The following MDM4 variants were observed in gnomAD, a reference collection of about 807,000 sequenced individuals.
MDM4 encodes protein Mdm4.
A neutral mutation model predicts 60.2 loss-of-function variants in MDM4; 2 were observed. The ratio of observed to expected loss-of-function variants is 0.03; its 90% CI spans 0.01 to 0.10. The LOEUF (loss-of-function observed/expected upper bound fraction) is 0.10, where lower values mean the gene tolerates loss of function less well. MDM4 is among the 10% of genes least tolerant of loss of function. The pLI is 1.00. For synonymous variants in MDM4, 202 were observed against 198.1 expected, an observed-to-expected ratio of 1.02 and a Z score of -0.17; for missense variants, 447 against 577.5, an observed-to-expected ratio of 0.77 and a Z score of 2.32.
At chr1:204,532,281 A>C in intron 5 of MDM4, 35 bp downstream of exon 5, 2 of 1,382,912 alleles carry the variant, frequency 1.4e-6, no homozygotes, top group Non-Finnish European at 2.0e-6. Context: ...TCTGTATCAC[A>C]GCTTTGAGTT....
intron 3 of MDM4, chr1:204,529,425 T>C (rs1048856685): frequency 2.8e-6 from 4 of 1,443,316 alleles, no homozygotes; most frequent in Non-Finnish European, 3.9e-6. Context: ...TGGCTGACCA[T>C]AGGGGCCCCC....
intron 7 of MDM4, among the ~76,000 whole-genome samples, chr1:204,539,539 G>GTTTTT (rs1027772704): frequency 9.0e-6 from 1 of 110,754 alleles, no homozygotes; most frequent in African/African-American, 3.0e-5. Context: ...GTTTTGTTTT[G>GTTTTT]TTTTTTTTTT....
intron 5 of MDM4, among the ~76,000 whole-genome samples, 188 bp from the exon 6 acceptor site, chr1:204,537,242 T>A (rs1661516998): frequency 6.6e-6 from 1 of 152,178 alleles, no homozygotes; most frequent in Non-Finnish European, 1.5e-5. Flanking sequence ...ATATGGCCTG[T>A]CTTGGTCTTT....
chr1:204,533,747 T>G (rs1269344595), intron 5 of MDM4, among the ~76,000 whole-genome samples: 1 of 151,842 alleles, frequency 6.6e-6, no homozygotes, highest in African/African-American at 2.4e-5. Flanking sequence ...AAGAATCCAT[T>G]CCTTTTTATC....
At chr1:204,523,473 A>ATTTTTTTTTTTTTTTTT (rs60954516) in intron 1 of MDM4, among the ~76,000 whole-genome samples, 1 of 58,950 alleles carries the variant, frequency 1.7e-5, no homozygotes, top group Non-Finnish European at 2.8e-5. Context: ...CCTAAAAAAA[A>ATTTTTTTTTTTTTTTTT]TTTTTTTTTT....
At chr1:204,533,509 A>G (rs190594749) in intron 5 of MDM4, among the ~76,000 whole-genome samples, 1 of 152,104 alleles carries the variant, frequency 6.6e-6, no homozygotes, top group Non-Finnish European at 1.5e-5. Context: ...GGCACATGCC[A>G]CCATGCCTGG....
At chr1:204,547,024 T>C in intron 10 of MDM4, 147 bp downstream of exon 10, 2 of 491,150 alleles carry the variant, frequency 4.1e-6, no homozygotes, top group East Asian at 6.7e-5. Context: ...TTCTTTACAT[T>C]TTTTTAAGAG....
chr1:204,546,418 G>A (rs1225451777), intron 9 of MDM4, among the ~76,000 whole-genome samples: 4 of 152,084 alleles, frequency 2.6e-5, no homozygotes, highest in Non-Finnish European at 5.9e-5. Context: ...GCCTAGGCCA[G>A]TTTCAAACTC....
rs1356745282 is a variant in MDM4 at position 204,554,610 on chromosome 1, T to C, written c.*4928T>C. 1.3e-5 allele frequency: 3 copies of C among 227,048 alleles called. No individual in the cohort carries two copies. The highest frequency in any genetic ancestry group is 2.2e-5 in the African/African-American group (1 of 45,020). 14.1% of individuals were successfully genotyped at this position (227,048 alleles called of 1,614,324 possible). A position where few individuals can be genotyped will look rare whatever the true frequency, so the allele number is the denominator to read the frequency against. On this transcript the variant is annotated 3_prime_UTR_variant, in exon 11 of 11. Transcript: ENST00000367182. ...GGCTGGAATTTATCAGACTTGTGAG[T>C]AAACAAGTTGAAGTTTAGCAGATGA...
chr1:204,519,893 A>G (rs538244713), intron 1 of MDM4, among the ~76,000 whole-genome samples: 84 of 152,366 alleles, frequency 5.5e-4, no homozygotes, highest in African/African-American at 2.0e-3. Flanking sequence ...CAGAACGGAT[A>G]CAACTGAGGA....
At position 204,557,904 on chromosome 1, in the gene MDM4, C is replaced by CTAA. The variant is rs56199911; in HGVS notation, c.*8247_*8249dup. ...GTAATAATAAAACTTCAGTCTTTCG[C>CTAA]TAATAATAATAATAATAATAATAAT... On this transcript the variant is annotated 3_prime_UTR_variant, in exon 11 of 11. Transcript: ENST00000367182. 0.092 allele frequency: 13,806 copies of CTAA among 150,182 alleles called. 735 individuals are homozygous for CTAA. Among genetic ancestry groups the CTAA allele is most frequent in the Non-Finnish European group, 0.13 (9,780 of 74,440 alleles). The allele number at this position is 150,182 out of a possible 1,614,324, so 9.3% of individuals were successfully genotyped here.
intron 2 of MDM4, among the ~76,000 whole-genome samples, chr1:204,525,980 C>T (rs899494145): frequency 3.3e-5 from 5 of 151,704 alleles, no homozygotes; most frequent in East Asian, 1.9e-4. Context: ...TTGTGCTGGG[C>T]GAGGTGGGTC....
intron 3 of MDM4, 116 bp from the exon 4 acceptor site, chr1:204,530,568 T>A: frequency 1.5e-6 from 2 of 1,357,748 alleles, no homozygotes; most frequent in Non-Finnish European, 2.0e-6. Context: ...ACTTTGACAG[T>A]CTTGTAAATA....
At chr1:204,541,161 A>G (rs1220187184) in intron 7 of MDM4, among the ~76,000 whole-genome samples, 1 of 152,030 alleles carries the variant, frequency 6.6e-6, no homozygotes, top group Non-Finnish European at 1.5e-5. Context: ...ATGGCTGGGC[A>G]CTGTTAGAAA....
chr1:204,533,166 A>G (rs893481921), intron 5 of MDM4, among the ~76,000 whole-genome samples: 2 of 152,222 alleles, frequency 1.3e-5, no homozygotes, highest in African/African-American at 2.4e-5. Context: ...ACTATTAGGT[A>G]TGTATAGGAA....
intron 9 of MDM4, 29 bp downstream of exon 9, chr1:204,544,713 TC>T: frequency 6.3e-7 from 1 of 1,595,420 alleles, no homozygotes; most frequent in South Asian, 1.1e-5. Context: ...CCATGTTGAT[TC>T]TGTTTGTGTG....
chr1:204,548,993 G>A (rs1179448143), intron 10 of MDM4, 120 bp from the exon 11 acceptor site: 1 of 678,346 alleles, frequency 1.5e-6, no homozygotes, highest in African/African-American at 1.8e-5. Context: ...TCAAATCCTA[G>A]GCTAGATCAC....
intron 1 of MDM4, among the ~76,000 whole-genome samples, chr1:204,520,373 T>C (rs200127954): frequency 4.5e-5 from 1 of 22,206 alleles, no homozygotes; most frequent in African/African-American, 7.1e-5. Flanking sequence ...ACATCCCTGC[T>C]TTTTTTTTTT....
In MDM4 at chr1:204,550,905, A is replaced by G. The variant is rs998378023; in HGVS notation, c.*1223A>G. ...AAATTTATAGAAAAAGTCCTGTCAT[A>G]TAAACTGGCAAAGTCTGTTCTTAAT... On this transcript the variant is annotated 3_prime_UTR_variant, in exon 11 of 11. Transcript: ENST00000367182. 2.2e-5 allele frequency: 4 copies of G among 181,294 alleles called. No homozygotes were observed. The highest frequency in any genetic ancestry group is 3.5e-5 in the Non-Finnish European group (3 of 84,954). 11.2% of individuals were successfully genotyped at this position (181,294 alleles called of 1,614,324 possible). A position where few individuals can be genotyped will look rare whatever the true frequency, so the allele number is the denominator to read the frequency against.
Sources: gnomAD v4.1 joint callset for allele counts (sites outside exome capture counted in the v4.1 genomes callset) on GRCh38, gnomAD v4.1.1 for gene constraint, MANE v1.5 for transcripts, NCBI Gene and HGNC (gene_info 2026-07-23, HGNC 2026-07-21) for gene names.